AP1AR: variants seen among roughly 807,000 people sequenced by gnomAD.
AP1AR encodes adaptor related protein complex 1 associated regulatory protein, also known as AP-1 complex-associated regulatory protein.
In AP1AR, 29 loss-of-function variants were observed where a neutral mutation model predicts 46.3. The ratio of observed to expected loss-of-function variants is 0.63; its 90% CI spans 0.47 to 0.85. The LOEUF is 0.85. Ranked by LOEUF, AP1AR falls within the 40% of genes least tolerant of loss-of-function variation. The pLI is 0.00. For synonymous variants in AP1AR, 122 were observed against 122.9 expected (o/e 0.99, Z 0.05); for missense variants, 357 against 356.3 (o/e 1.00, Z -0.02).
Position 112,268,128 on chromosome 4 carries a change from T to G in AP1AR, c.644-16T>G, listed in dbSNP as rs1726781999. On this transcript the variant is annotated splice_polypyrimidine_tract_variant and intron_variant, in intron 9 of 9. Coordinates refer to ENST00000274000, the MANE Select transcript of AP1AR (RefSeq NM_018569.6). ...TATCTGTTCTGAGATTTTTGAAAAC[T>G]CTGTTCAAATCATAGGAATGAATAG... 1 of 1,510,398 alleles carries G rather than the reference T, an allele frequency of 6.6e-7. No individual in the cohort carries two copies. The highest frequency in any genetic ancestry group is 1.4e-5 in the African/African-American group (1 of 71,364). 93.6% of individuals were successfully genotyped at this position (1,510,398 alleles called of 1,614,324 possible).
intron 1 of AP1AR, among the ~76,000 whole-genome samples, chr4:112,251,311 A>G (rs1474584811): frequency 6.6e-6 from 1 of 152,222 alleles, no homozygotes; most frequent in Non-Finnish European, 1.5e-5. Context: ...GGGGACAGAA[A>G]AGGGAGATAT....
Position 112,269,261 on chromosome 4 carries a change from C to A in AP1AR, c.*852C>A. On this transcript the variant is annotated 3_prime_UTR_variant, in exon 10 of 10. Transcript: ENST00000274000. ...ACAGAACATATTCTCTGCATGATTT[C>A]AGAAAAGAAAATCTAAAAAGGTAAT... is the stretch of plus-strand genomic sequence containing the variant. 6.6e-6 allele frequency: 1 copy of A among 152,100 alleles called. No individual in the cohort carries two copies. The highest frequency in any genetic ancestry group is 2.4e-5 in the African/African-American group (1 of 41,346). 9.4% of individuals were successfully genotyped at this position (152,100 alleles called of 1,614,324 possible).
intron 1 of AP1AR, among the ~76,000 whole-genome samples, chr4:112,233,216 C>T (rs1325967551): frequency 6.6e-6 from 1 of 152,098 alleles, no homozygotes; most frequent in African/African-American, 2.4e-5. Flanking sequence ...TAATTTGAAT[C>T]TTTGGTAATG....
chr4:112,265,480 T>G (rs1295641810), intron 7 of AP1AR, among the ~76,000 whole-genome samples: 6 of 151,988 alleles, frequency 3.9e-5, no homozygotes, highest in African/African-American at 1.4e-4. Context: ...TGTTCATGAT[T>G]CATTATTGTA....
rs551375915 is a variant in AP1AR, at chr4:112,269,677, A to G, written c.*1268A>G. On this transcript the variant is annotated 3_prime_UTR_variant, in exon 10 of 10. Coordinates refer to ENST00000274000, the MANE Select transcript of AP1AR (RefSeq NM_018569.6). ...GTTCTTGCTGTGCTTAAAAAAAAAAATCATGTGGCCCTTTCAATATTTGAA... is the reference window on the plus strand; with the variant it reads ...GTTCTTGCTGTGCTTAAAAAAAAAAGTCATGTGGCCCTTTCAATATTTGAA... 6.6e-6 allele frequency: 1 copy of G among 152,476 alleles called. No individual in the cohort carries two copies. The highest frequency in any genetic ancestry group is 2.1e-4 in the South Asian group (1 of 4,824). The allele number at this position is 152,476 out of a possible 1,614,324, so 9.4% of individuals were successfully genotyped here.
chr4:112,238,190 G>A (rs1270523626), intron 1 of AP1AR, among the ~76,000 whole-genome samples: 1 of 152,282 alleles, frequency 6.6e-6, no homozygotes, highest in East Asian at 1.9e-4. Flanking sequence ...GTCAAGGACT[G>A]TGTTTTATCA....
intron 1 of AP1AR, among the ~76,000 whole-genome samples, chr4:112,245,587 T>C (rs764044474): frequency 3.3e-5 from 5 of 152,208 alleles, no homozygotes; most frequent in Non-Finnish European, 7.4e-5. Flanking sequence ...CAATAGCCCC[T>C]TGTGGCTAAT....
intron 3 of AP1AR, among the ~76,000 whole-genome samples, chr4:112,256,987 T>G (rs1726226305): frequency 6.6e-6 from 1 of 152,206 alleles, no homozygotes; most frequent in Non-Finnish European, 1.5e-5. Flanking sequence ...AAACACATAT[T>G]ATTGATTCAT....
chr4:112,252,666 A>G (rs1726009192), intron 1 of AP1AR, among the ~76,000 whole-genome samples: 1 of 152,242 alleles, frequency 6.6e-6, no homozygotes. Flanking sequence ...TTTGATTGAC[A>G]TGTATATGCA....
chr4:112,246,966 A>G (rs565668445), intron 1 of AP1AR, among the ~76,000 whole-genome samples: 3 of 152,328 alleles, frequency 2.0e-5, no homozygotes, highest in African/African-American at 7.2e-5. Context: ...TAAATCTTAC[A>G]GGAGCCCTTC....
intron 1 of AP1AR, among the ~76,000 whole-genome samples, chr4:112,233,329 AG>A (rs1418362276): frequency 2.0e-5 from 3 of 152,260 alleles, no homozygotes; most frequent in Admixed American, 2.0e-4. Flanking sequence ...CTAGAATGGA[AG>A]GGCAAGGATT....
At chr4:112,237,288 A>G (rs1052038853) in intron 1 of AP1AR, among the ~76,000 whole-genome samples, 2 of 151,430 alleles carry the variant, frequency 1.3e-5, no homozygotes, top group African/African-American at 4.9e-5. Flanking sequence ...TGTATTTTTT[A>G]GTAGAGACGG....
chr4:112,266,054 C>T (rs1726691242), intron 8 of AP1AR, among the ~76,000 whole-genome samples: 1 of 151,624 alleles, frequency 6.6e-6, no homozygotes, highest in African/African-American at 2.4e-5. Flanking sequence ...TTTTCCATTT[C>T]TACTCTGATC....
At position 112,266,558 on chromosome 4, in the gene AP1AR, GTATTCAATTGTATTTCGTGTAT is replaced by G. The variant is rs1401569388; in HGVS notation, c.515-29_515-8del. The G allele has an allele frequency of 6.2e-7, 1 of 1,601,464 alleles. No individual in the cohort carries two copies. ...TGTTGCGGTGGAAGAGTAGATGAGA[GTATTCAATTGTATTTCGTGTAT>G]ATTCTAGGACTCTCATCAGATGCTA... On this transcript the variant is annotated splice_region_variant and splice_polypyrimidine_tract_variant and intron_variant, in intron 8 of 9. Coordinates refer to ENST00000274000, the MANE Select transcript of AP1AR (RefSeq NM_018569.6).
intron 1 of AP1AR, among the ~76,000 whole-genome samples, chr4:112,236,431 C>T (rs967631637): frequency 6.6e-5 from 10 of 150,396 alleles, no homozygotes; most frequent in South Asian, 2.1e-4. Context: ...AAAGGAGTCT[C>T]GCTCTCTTGC....
At chr4:112,249,030 C>T (rs1301501859) in intron 1 of AP1AR, among the ~76,000 whole-genome samples, 1 of 152,210 alleles carries the variant, frequency 6.6e-6, no homozygotes, top group Non-Finnish European at 1.5e-5. Flanking sequence ...CGGTGGCTCA[C>T]GCCTGTAATC....
intron 3 of AP1AR, among the ~76,000 whole-genome samples, chr4:112,256,551 C>T (rs564751456): frequency 6.6e-6 from 1 of 152,310 alleles, no homozygotes; most frequent in Admixed American, 6.5e-5. Context: ...AACCCCTCTT[C>T]TCCTCTCTAA....
chr4:112,239,840 A>C (rs1337720728), intron 1 of AP1AR, among the ~76,000 whole-genome samples: 1 of 152,242 alleles, frequency 6.6e-6, no homozygotes, highest in Admixed American at 6.5e-5. Context: ...TCATGTGGTC[A>C]GAGACTTTGT....
intron 1 of AP1AR, among the ~76,000 whole-genome samples, chr4:112,244,503 C>A (rs1274483235): frequency 2.2e-4 from 33 of 152,146 alleles, no homozygotes; most frequent in Admixed American, 2.2e-3. Context: ...GCAATTGTTT[C>A]ATGCCACAGG....
Sources: gnomAD v4.1 joint callset for allele counts (sites outside exome capture counted in the v4.1 genomes callset) on GRCh38, gnomAD v4.1.1 for gene constraint, MANE v1.5 for transcripts, NCBI Gene and HGNC (gene_info 2026-07-23, HGNC 2026-07-21) for gene names.